Variants in MIEF1 observed in about 807,000 individuals in gnomAD.
MIEF1 encodes mitochondrial elongation factor 1.
Under a neutral mutation model 35.1 loss-of-function variants are expected in MIEF1, and 14 were observed. The observed-to-expected ratio is 0.40, with a 90% CI of 0.26 to 0.62. MIEF1 has a LOEUF of 0.62. Ranked by LOEUF, MIEF1 falls within the 20% of genes least tolerant of loss-of-function variation. The pLI is 0.43. For synonymous variants in MIEF1, 245 were observed against 254.3 expected (o/e 0.96, Z 0.35); for missense variants, 542 against 615.4 (o/e 0.88, Z 1.26).
At position 39,511,859 on chromosome 22, in the gene MIEF1, G is replaced by C; in HGVS notation, c.155G>C (p.Arg52Pro). 1 of 1,612,570 alleles carries C rather than the reference G, an allele frequency of 6.2e-7. No individual in the cohort carries two copies. The highest frequency in any genetic ancestry group is 2.2e-5 in the East Asian group (1 of 44,844). The stretch of plus-strand genomic sequence containing the variant: ...TCTCTGCTATTTCAGATGTACGATC[G>C]GGCGATCAGTGCCCCTACCAGCCCC... Reference protein sequence around the residue: ...ATLAVKRMYDRAISAPTSPTR... With the variant: ...ATLAVKRMYDPAISAPTSPTR... The change falls in exon 4 of 6, where the codon CGG (arginine) becomes CCG (proline). Residue 52 changes from arginine (R) to proline (P), a missense_variant. Physicochemically the swap from Arg to Pro is moderately radical, Grantham distance 103. Transcript: ENST00000325301.
rs200564203 is a variant in MIEF1 at position 39,511,883 on chromosome 22, C to T, written c.179C>T (p.Pro60Leu). The stretch of plus-strand genomic sequence containing the variant: ...CGGGCGATCAGTGCCCCTACCAGCC[C>T]CACCCGCCTGAGCCATTCGGGGAAA... ...YDRAISAPTS[P>L]TRLSHSGKRS... The change falls in exon 4 of 6, where the codon CCC (proline) becomes CTC (leucine). Residue 60 changes from proline (P) to leucine (L), a missense_variant. Transcript: ENST00000325301. 6.2e-7 allele frequency: 1 copy of T among 1,614,188 alleles called. No individual in the cohort carries two copies. Among genetic ancestry groups the T allele is most frequent in the Non-Finnish European group, 8.5e-7 (1 of 1,180,010 alleles).
chr22:39,509,927 G>A (rs1399869265), intron 2 of MIEF1, among the ~76,000 whole-genome samples: 2 of 152,142 alleles, frequency 1.3e-5, no homozygotes, highest in African/African-American at 4.8e-5. Flanking sequence ...TACAAGGAGT[G>A]GGGAGTCCTG....
intron 2 of MIEF1, among the ~76,000 whole-genome samples, chr22:39,505,189 G>A (rs1047321383): frequency 6.7e-6 from 1 of 148,804 alleles, no homozygotes; most frequent in East Asian, 2.0e-4. Context: ...GTGACACTCC[G>A]TCTCCAAAAA....
At position 39,515,459 on chromosome 22, in the gene MIEF1, T is replaced by C. The variant is rs1422489242; in HGVS notation, c.*1136T>C. ...ATAGGAATGTGAGAGGGGTGTTTGC[T>C]GAGCGCTCCGGGCACGGCCAGAGGG... On this transcript the variant is annotated 3_prime_UTR_variant, in exon 6 of 6. Coordinates refer to ENST00000325301, the MANE Select transcript of MIEF1 (RefSeq NM_019008.6). The C allele has an allele frequency of 3.0e-6, 2 of 662,354 alleles. No individual in the cohort carries two copies. The highest frequency in any genetic ancestry group is 4.6e-5 in the Admixed American group (2 of 43,582). The allele number at this position is 662,354 out of a possible 1,614,324, so 41.0% of individuals were successfully genotyped here. A position where few individuals can be genotyped will look rare whatever the true frequency, so the allele number is the denominator to read the frequency against.
At position 39,511,904 on chromosome 22, in the gene MIEF1, G is replaced by T; in HGVS notation, c.200G>T (p.Gly67Val). 1 of 1,614,240 alleles carries T rather than the reference G, an allele frequency of 6.2e-7. No individual in the cohort carries two copies. Among genetic ancestry groups the T allele is most frequent in the Non-Finnish European group, 8.5e-7 (1 of 1,180,042 alleles). The change falls in exon 4 of 6, where the codon GGG becomes GTG. Residue 67 changes from glycine (G) to valine (V), a missense_variant. Transcript: ENST00000325301. Reference sequence around the variant, plus strand: ...AGCCCCACCCGCCTGAGCCATTCGGGGAAAAGGAGCTGGGAAGAACCCAAC... The same window carrying T: ...AGCCCCACCCGCCTGAGCCATTCGGTGAAAAGGAGCTGGGAAGAACCCAAC... ...PTSPTRLSHS[G>V]KRSWEEPNWM...
rs1241410109 is a variant in MIEF1 at position 39,507,162 on chromosome 22, C to CG, written c.-8+2629dup. ...GTCTGTCTGTTGAGCTTGTGGATGC[C>CG]GTCTTCTGTTCCAGGTCACCAGGTC... On this transcript the variant is annotated intron_variant, in intron 2 of 5. Coordinates refer to ENST00000325301, the MANE Select transcript of MIEF1 (RefSeq NM_019008.6). Among the ~76,000 whole-genome samples the CG allele has an allele frequency of 6.6e-5, 10 of 152,234 alleles. No individual in the cohort carries two copies. In the East Asian group the frequency reaches 1.7e-3, roughly 26 times the overall value.
At position 39,512,040 on chromosome 22, in the gene MIEF1, C is replaced by T. The variant is rs758082482; in HGVS notation, c.322+14C>T. ...CCTTCGACACAGGTGAGAAGGGCTGCTGCCCCTCCTGGGACCTCTCTGGAC... is the reference window on the plus strand; with the variant it reads ...CCTTCGACACAGGTGAGAAGGGCTGTTGCCCCTCCTGGGACCTCTCTGGAC... On this transcript the variant is annotated intron_variant, in intron 4 of 5. Coordinates refer to ENST00000325301, the MANE Select transcript of MIEF1 (RefSeq NM_019008.6). 4.4e-6 allele frequency: 7 copies of T among 1,606,594 alleles called. No individual in the cohort carries two copies. Among genetic ancestry groups the T allele is most frequent in the African/African-American group, 1.3e-5 (1 of 74,790 alleles).
In MIEF1 at chr22:39,515,222, C is replaced by T. The variant is rs1440919143; in HGVS notation, c.*899C>T. 1 of 698,960 alleles carries T rather than the reference C, an allele frequency of 1.4e-6. No individual in the cohort carries two copies. The highest frequency in any genetic ancestry group is 2.7e-6 in the Non-Finnish European group (1 of 376,084). The allele number at this position is 698,960 out of a possible 1,614,324, so 43.3% of individuals were successfully genotyped here. The stretch of plus-strand genomic sequence containing the variant: ...TTCACACCTTTTCCTTATTTTATTG[C>T]CAATCAGGACAAGGCCTTGAAGGAA... On this transcript the variant is annotated 3_prime_UTR_variant, in exon 6 of 6. Transcript: ENST00000325301.
At chr22:39,501,522 G>A (rs1365698975), upstream of MIEF1, among the ~76,000 whole-genome samples, 2 of 152,236 alleles carry the variant, frequency 1.3e-5, no homozygotes, top group Admixed American at 6.5e-5. Context: ...CCTGGGCTTG[G>A]CAGAGCCAGG....
chr22:39,517,842 A>G lies in MIEF1; in HGVS notation c.*3519A>G, dbSNP rs1440226277. On this transcript the variant is annotated 3_prime_UTR_variant, in exon 6 of 6. Coordinates refer to ENST00000325301, the MANE Select transcript of MIEF1 (RefSeq NM_019008.6). ...ATGCACAGTAGGTGTTTACCTTTAC[A>G]TTTGGATCACCTTGTAGTCTTTAAA... 3.5e-6 allele frequency: 1 copy of G among 287,004 alleles called. No homozygotes were observed. The highest frequency in any genetic ancestry group is 7.0e-6 in the Non-Finnish European group (1 of 143,506). 17.8% of individuals were successfully genotyped at this position (287,004 alleles called of 1,614,324 possible). A position where few individuals can be genotyped will look rare whatever the true frequency, so the allele number is the denominator to read the frequency against.
At chr22:39,500,595 T>G (rs1467507621), upstream of MIEF1, 1 of 151,736 alleles carries the variant, frequency 6.6e-6, no homozygotes, top group Non-Finnish European at 1.5e-5. Flanking sequence ...AACACACATT[T>G]CAGAGTAAGA....
chr22:39,514,180 A>G lies in MIEF1; in HGVS notation c.1249A>G (p.Ser417Gly), dbSNP rs1930531633. ...CCTGCAGGCCTTGAGGGGACTTATC[A>G]GCTACTTAGAGGCTGGAGTCCTGCC... ...RFLQALRGLISYLEAGVLPSA... is the reference protein window; with the variant it reads ...RFLQALRGLIGYLEAGVLPSA... The change falls in exon 6 of 6, where the codon AGC becomes GGC. Residue 417 changes from serine (S) to glycine (G), a missense_variant. By Grantham distance (56) the Ser-to-Gly change is moderately conservative. Coordinates refer to ENST00000325301, the MANE Select transcript of MIEF1 (RefSeq NM_019008.6). 1 of 1,614,110 alleles carries G rather than the reference A, an allele frequency of 6.2e-7. No individual in the cohort carries two copies. The highest frequency in any genetic ancestry group is 1.7e-5 in the Admixed American group (1 of 60,008).
At chr22:39,502,924 G>A (rs909308103) in intron 1 of MIEF1, 1 of 152,228 alleles carries the variant, frequency 6.6e-6, no homozygotes, top group African/African-American at 2.4e-5. Flanking sequence ...CAAGGCCGGA[G>A]GCTAAGGGCT....
rs367952485 is a variant in MIEF1 at position 39,513,500 on chromosome 22, A to C, written c.586-17A>C. ...ACAGAGTAAACCCTCAAAACCCTTT[A>C]AATTCTGCCCTGACAGGTGGTGACA... On this transcript the variant is annotated splice_polypyrimidine_tract_variant and intron_variant, in intron 5 of 5. Coordinates refer to ENST00000325301, the MANE Select transcript of MIEF1 (RefSeq NM_019008.6). The C allele has an allele frequency of 8.7e-6, 14 of 1,611,068 alleles. No individual in the cohort carries two copies. The Middle Eastern group carries it at 6.6e-4, about 76-fold the overall frequency.
At position 39,513,682 on chromosome 22, in the gene MIEF1, T is replaced by C; in HGVS notation, c.751T>C (p.Cys251Arg). Residue 251 changes from cysteine (C) to arginine (R), a missense_variant, in exon 6 of 6, where the codon TGT (cysteine) becomes CGT (arginine). By Grantham distance (180) the Cys-to-Arg change is radical. Transcript: ENST00000325301. ...FPRGSSYWDR[C>R]VVGGYLSPKT... ...TCGTGGGAGCAGTTACTGGGACCGC[T>C]GTGTAGTAGGGGGCTACCTCTCTCC... is the stretch of plus-strand genomic sequence containing the variant. The C allele has an allele frequency of 6.2e-7, 1 of 1,614,134 alleles. No homozygotes were observed. Among genetic ancestry groups the C allele is most frequent in the Non-Finnish European group, 8.5e-7 (1 of 1,180,014 alleles).
At position 39,515,112 on chromosome 22, in the gene MIEF1, G is replaced by A. The variant is rs8137432; in HGVS notation, c.*789G>A. The A allele has an allele frequency of 1.6e-6, 1 of 620,778 alleles. No homozygotes were observed. The highest frequency in any genetic ancestry group is 2.9e-6 in the Non-Finnish European group (1 of 340,822). The allele number at this position is 620,778 out of a possible 1,614,324, so 38.5% of individuals were successfully genotyped here. A position where few individuals can be genotyped will look rare whatever the true frequency, so the allele number is the denominator to read the frequency against. ...GCCTAGTGAAGGGTTTGTGTGCCCA[G>A]TGTCTGCTCGTCATCTGTGGCTGCA... On this transcript the variant is annotated 3_prime_UTR_variant, in exon 6 of 6. Coordinates refer to ENST00000325301, the MANE Select transcript of MIEF1 (RefSeq NM_019008.6).
At chr22:39,512,085 C>T (rs753549573) in intron 4 of MIEF1, 59 bp downstream of exon 4, 155 of 1,575,930 alleles carry the variant, frequency 9.8e-5, no homozygotes, top group Non-Finnish European at 1.3e-4. Context: ...CACTCCTGCA[C>T]TCAGCAGATG....
chr22:39,505,382 C>T (rs542917235), intron 2 of MIEF1, among the ~76,000 whole-genome samples: 5 of 152,140 alleles, frequency 3.3e-5, no homozygotes, highest in African/African-American at 7.2e-5. Context: ...TTTGTAGAGA[C>T]GGTCTTGCTA....
At chr22:39,512,778 C>G (rs1354081640) in intron 5 of MIEF1, among the ~76,000 whole-genome samples, 1 of 151,936 alleles carries the variant, frequency 6.6e-6, no homozygotes, top group Non-Finnish European at 1.5e-5. Flanking sequence ...TTCCGAGTAG[C>G]TGGGATTACA....
Sources: gnomAD v4.1 joint callset for allele counts (sites outside exome capture counted in the v4.1 genomes callset) on GRCh38, gnomAD v4.1.1 for gene constraint, MANE v1.5 for transcripts, NCBI Gene and HGNC (gene_info 2026-07-23, HGNC 2026-07-21) for gene names.